The following GCM1 variants were observed in gnomAD, a reference collection of about 807,000 sequenced individuals.
GCM1 encodes GCM transcription factor 1, also known as chorion-specific transcription factor GCMa.
In GCM1, 2 loss-of-function variants were observed where a neutral mutation model predicts 25.7. The observed-to-expected ratio is 0.08, with a 90% CI of 0.03 to 0.24. The LOEUF (loss-of-function observed/expected upper bound fraction) is 0.24. GCM1 is among the 10% of genes least tolerant of loss of function. GCM1 has a pLI of 1.00. For synonymous variants in GCM1, 183 were observed against 195.7 expected (o/e 0.94, Z 0.54); for missense variants, 395 against 538.7 (o/e 0.73, Z 2.64).
At chr6:53,146,007 G>T (rs1763949478) in intron 1 of GCM1, among the ~76,000 whole-genome samples, 1 of 151,986 alleles carries the variant, frequency 6.6e-6, no homozygotes, top group African/African-American at 2.4e-5. Context: ...CAAGATCCAG[G>T]TTGTGAAGGC....
At chr6:53,130,599 G>T (rs566266345) in intron 5 of GCM1, among the ~76,000 whole-genome samples, 3 of 152,146 alleles carry the variant, frequency 2.0e-5, no homozygotes, top group African/African-American at 7.2e-5. Context: ...TGGACTTTAT[G>T]GTTCCCAGCA....
intron 2 of GCM1, among the ~76,000 whole-genome samples, chr6:53,134,765 C>T (rs1039361691): frequency 2.0e-5 from 3 of 152,144 alleles, no homozygotes; most frequent in Non-Finnish European, 4.4e-5. Flanking sequence ...GCCAGGGGTT[C>T]AAGACCAGCC....
chr6:53,127,266 C>T lies in GCM1; in HGVS notation c.*940G>A, dbSNP rs1414197226. On this transcript the variant is annotated 3_prime_UTR_variant, in exon 6 of 6. Transcript: ENST00000259803. The stretch of plus-strand genomic sequence containing the variant: ...GAGACCACGCACATCACTAGTGTTT[C>T]TCTTCATATGGCAATTTAACATTGC... The T allele has an allele frequency of 2.0e-5, 3 of 152,206 alleles. No individual in the cohort carries two copies. The highest frequency in any genetic ancestry group is 7.2e-5 in the African/African-American group (3 of 41,464). 9.4% of individuals were successfully genotyped at this position (152,206 alleles called of 1,614,324 possible).
intron 2 of GCM1, among the ~76,000 whole-genome samples, chr6:53,141,841 TA>T (rs1194492931): frequency 6.6e-6 from 1 of 150,520 alleles, no homozygotes; most frequent in Non-Finnish European, 1.5e-5. Flanking sequence ...CCATCTCTAC[TA>T]AAAAGACAAA....
At chr6:53,135,420 T>C (rs1378670449) in intron 2 of GCM1, among the ~76,000 whole-genome samples, 1 of 152,224 alleles carries the variant, frequency 6.6e-6, no homozygotes, top group Non-Finnish European at 1.5e-5. Context: ...GAGACCTGCC[T>C]ACCTGAAGAG....
chr6:53,136,120 A>G (rs1463584929), intron 2 of GCM1, among the ~76,000 whole-genome samples: 2 of 152,230 alleles, frequency 1.3e-5, no homozygotes, highest in Non-Finnish European at 2.9e-5. Context: ...GCAGGGTAGT[A>G]CTGTTTAGTG....
rs760382550 is a variant in GCM1 at position 53,128,491 on chromosome 6, T to A, written c.1026A>T (p.Pro342=). Residue 342 remains proline, a synonymous_variant, in exon 6 of 6, where the codon CCA becomes CCT. Coordinates refer to ENST00000259803, the MANE Select transcript of GCM1 (RefSeq NM_003643.4). ...CAGTTTTGGCTGCAGGTGGCTCCAA[T>A]GGAAGCTGCTGGTAAAAGGGTTCTG... ...NSSEPFYQQL[P]LEPPAAKTGC... is the part of the protein sequence containing the mutation. The A allele has an allele frequency of 4.2e-5, 68 of 1,613,968 alleles. No individual in the cohort carries two copies. Among genetic ancestry groups the A allele is most frequent in the Non-Finnish European group, 4.2e-6 (5 of 1,179,960 alleles).
At chr6:53,139,594 G>T (rs1254147371) in intron 2 of GCM1, among the ~76,000 whole-genome samples, 1 of 151,878 alleles carries the variant, frequency 6.6e-6, no homozygotes, top group African/African-American at 2.4e-5. Flanking sequence ...CAGGCCAGGC[G>T]CGGTGGCTCA....
Position 53,145,762 on chromosome 6 carries a change from T to C in GCM1, c.-130A>G. The C allele has an allele frequency of 1.6e-6, 1 of 622,930 alleles. No homozygotes were observed. Among genetic ancestry groups the C allele is most frequent in the Non-Finnish European group, 2.9e-6 (1 of 350,468 alleles). 38.6% of individuals were successfully genotyped at this position (622,930 alleles called of 1,614,324 possible). ...AGCACCTTGGACCAGGAGATTGTTT[T>C]CTAGGGCTAAAAAAATAAGTTATAT... On this transcript the variant is annotated 5_prime_UTR_variant, in exon 2 of 6. Coordinates refer to ENST00000259803, the MANE Select transcript of GCM1 (RefSeq NM_003643.4).
chr6:53,131,830 C>A (rs1763731030), intron 4 of GCM1, among the ~76,000 whole-genome samples, 177 bp downstream of exon 4: 1 of 152,118 alleles, frequency 6.6e-6, no homozygotes, highest in Non-Finnish European at 1.5e-5. Context: ...AGGCAGCTCC[C>A]CTTCTAGAGC....
intron 1 of GCM1, 33 bp from the exon 2 acceptor site, chr6:53,145,801 T>G: frequency 2.0e-6 from 1 of 508,072 alleles, no homozygotes; most frequent in Non-Finnish European, 3.4e-6. Flanking sequence ...TATTGGCCAT[T>G]AAAGAGATTT....
chr6:53,128,668 A>G lies in GCM1; in HGVS notation c.849T>C (p.Ser283=), dbSNP rs1254632506. The change falls in exon 6 of 6, where the codon TCT becomes TCC. Residue 283 remains serine (S), a synonymous_variant. Transcript: ENST00000259803. Reference sequence around the variant, plus strand: ...CATGATCAGAGTAGACTCCGGAGGCAGAAGGAGGAAGCAGGTCTCCACTAC... The same window carrying G: ...CATGATCAGAGTAGACTCCGGAGGCGGAAGGAGGAAGCAGGTCTCCACTAC... ...TYSSGDLLPP[S]ASGVYSDHGD... 6.2e-7 allele frequency: 1 copy of G among 1,613,976 alleles called. No homozygotes were observed. The highest frequency in any genetic ancestry group is 8.5e-7 in the Non-Finnish European group (1 of 1,179,946).
Position 53,145,610 on chromosome 6 carries a change from G to T in GCM1, c.23C>A (p.Ser8Tyr). 6.3e-7 allele frequency: 1 copy of T among 1,599,800 alleles called. No individual in the cohort carries two copies. Among genetic ancestry groups the T allele is most frequent in the Non-Finnish European group, 8.6e-7 (1 of 1,167,124 alleles). ...CCAGCTTAATATCTCTTTGTCTTCAGAATCAAAGTCGTCAGGTTCCATGAT... is the reference window on the plus strand; with the variant it reads ...CCAGCTTAATATCTCTTTGTCTTCATAATCAAAGTCGTCAGGTTCCATGAT... MEPDDFDSEDKEILSWDI... is the reference protein window; with the variant it reads MEPDDFDYEDKEILSWDI... The change falls in exon 2 of 6, where the codon TCT becomes TAT. Residue 8 changes from serine (S) to tyrosine (Y), a missense_variant. Physicochemically the swap from Ser to Tyr is moderately radical, Grantham distance 144. Transcript: ENST00000259803.
At chr6:53,131,849 A>G in intron 4 of GCM1, 158 bp downstream of exon 4, 3 of 628,928 alleles carry the variant, frequency 4.8e-6, no homozygotes, top group Non-Finnish European at 5.8e-6. Context: ...GCTCCCCAGC[A>G]CTTCAAACAT....
At position 53,134,139 on chromosome 6, in the gene GCM1, G is replaced by A. The variant is rs757351531; in HGVS notation, c.261C>T (p.Leu87=). Residue 87 remains leucine, a synonymous_variant, in exon 3 of 6, where the codon CTC becomes CTT. Transcript: ENST00000259803. Reference sequence around the variant, plus strand: ...GGTAGATCTTGCGCCCCTCCTCTGCGAGACAGTCGCGGCCGCACACCACCA... The same window carrying A: ...GGTAGATCTTGCGCCCCTCCTCTGCAAGACAGTCGCGGCCGCACACCACCA... ...LGVVVCGRDC[L]AEEGRKIYLR... 2.4e-5 allele frequency: 38 copies of A among 1,614,010 alleles called. No homozygotes were observed. The highest frequency in any genetic ancestry group is 4.0e-5 in the African/African-American group (3 of 74,902).
chr6:53,140,161 C>T (rs977088480), intron 2 of GCM1, among the ~76,000 whole-genome samples: 2 of 152,066 alleles, frequency 1.3e-5, no homozygotes, highest in Non-Finnish European at 2.9e-5. Flanking sequence ...TTCAAATGAC[C>T]CTTGAGGTCA....
rs768265831 is a variant in GCM1 at position 53,128,729 on chromosome 6, T to C, written c.788A>G (p.Tyr263Cys). 6.2e-6 allele frequency: 10 copies of C among 1,614,006 alleles called. No individual in the cohort carries two copies. The highest frequency in any genetic ancestry group is 1.3e-5 in the African/African-American group (1 of 74,946). ...GCTACTGGACAATTTGCGCTTTTCA[T>C]AGAGCTTCATGGGGTCCACAGTGGA... is the stretch of plus-strand genomic sequence containing the variant. ...QTSTVDPMKLYEKRKLSSSRT... is the reference protein window; with the variant it reads ...QTSTVDPMKLCEKRKLSSSRT... Residue 263 changes from tyrosine (Y) to cysteine (C), a missense_variant, in exon 6 of 6, where the codon TAT (tyrosine) becomes TGT (cysteine). Physicochemically the swap from Tyr to Cys is radical, Grantham distance 194 (BLOSUM62 -2). Transcript: ENST00000259803.
intron 1 of GCM1, among the ~76,000 whole-genome samples, chr6:53,146,554 T>C (rs2127511588): frequency 6.6e-6 from 1 of 152,344 alleles, no homozygotes; most frequent in East Asian, 1.9e-4. Context: ...CAAATCACTG[T>C]AAGGATTAGG....
chr6:53,139,080 T>G lies in GCM1; in HGVS notation c.76-4756A>C, dbSNP rs1486092876. On this transcript the variant is annotated intron_variant, in intron 2 of 5. Transcript: ENST00000259803. ...GAATATAGTCTGCTCTTGCATAAAGTAAATATCTTCCAGGTTTTCATTAAT... is the reference window on the plus strand; with the variant it reads ...GAATATAGTCTGCTCTTGCATAAAGGAAATATCTTCCAGGTTTTCATTAAT... Among the ~76,000 whole-genome samples the G allele has an allele frequency of 2.0e-5, 3 of 152,214 alleles. No individual in the cohort carries two copies. The East Asian group carries it at 5.8e-4, about 29-fold the overall frequency.
Sources: gnomAD v4.1 joint callset for allele counts (sites outside exome capture counted in the v4.1 genomes callset) on GRCh38, gnomAD v4.1.1 for gene constraint, MANE v1.5 for transcripts, NCBI Gene and HGNC (gene_info 2026-07-23, HGNC 2026-07-21) for gene names.